RBBP8: variants seen among roughly 807,000 people sequenced by gnomAD.
RBBP8 encodes DNA endonuclease RBBP8.
A neutral mutation model predicts 108.3 loss-of-function variants in RBBP8; 88 were observed. That is an observed-to-expected ratio of 0.81 (90% CI 0.68 to 0.97). RBBP8 has a LOEUF of 0.97. Ranked by LOEUF, RBBP8 falls within the 50% of genes least tolerant of loss-of-function variation. The pLI is 0.00. For synonymous variants in RBBP8, 332 were observed against 348.2 expected, an observed-to-expected ratio of 0.95 and a Z score of 0.52; for missense variants, 1,023 against 1,049.0, an observed-to-expected ratio of 0.98 and a Z score of 0.34.
rs1257535914 is a variant in RBBP8, at chr18:22,984,801, T to A, written c.605-85T>A. On this transcript the variant is annotated intron_variant, in intron 7 of 18. Coordinates refer to ENST00000327155, the MANE Select transcript of RBBP8 (RefSeq NM_002894.3). The stretch of plus-strand genomic sequence containing the variant: ...AAATACAGATAATACATAAAAATTT[T>A]AAATATGAATAAATAAAAATAATTT... The A allele has an allele frequency of 3.6e-5, 28 of 778,616 alleles. No individual in the cohort carries two copies. The Admixed American group carries it at 7.7e-4, about 21-fold the overall frequency. The allele number at this position is 778,616 out of a possible 1,614,324, so 48.2% of individuals were successfully genotyped here.
chr18:22,983,413 A>C (rs1194127153), intron 7 of RBBP8, among the ~76,000 whole-genome samples: 1 of 152,226 alleles, frequency 6.6e-6, no homozygotes, highest in Non-Finnish European at 1.5e-5. Flanking sequence ...TCTAGTGGAA[A>C]ACAAAAGAAC....
chr18:22,978,348 G>A (rs1052881478), intron 6 of RBBP8, among the ~76,000 whole-genome samples: 18 of 152,184 alleles, frequency 1.2e-4, no homozygotes, highest in African/African-American at 3.4e-4. Context: ...ACCAAAAGCT[G>A]TGACGTGAAC....
chr18:22,946,263 C>T, intron 2 of RBBP8, 181 bp from the exon 3 acceptor site: 1 of 696,330 alleles, frequency 1.4e-6, no homozygotes, highest in African/African-American at 1.8e-5. Flanking sequence ...ATATGATAGA[C>T]TAAAAGCAAT....
At chr18:22,922,232 A>C (rs1909621396) in intron 3 of RBBP8, among the ~76,000 whole-genome samples, 1 of 152,204 alleles carries the variant, frequency 6.6e-6, no homozygotes, top group South Asian at 2.1e-4. Context: ...ATAGGTGCAA[A>C]GAAAAAAGAA....
intron 4 of RBBP8, among the ~76,000 whole-genome samples, chr18:22,959,252 T>G (rs2144541230): frequency 6.6e-6 from 1 of 152,340 alleles, no homozygotes; most frequent in East Asian, 1.9e-4. Context: ...GGATATAAAT[T>G]TCTAGGTTTA....
At chr18:22,930,866 G>A (rs532723678), upstream of RBBP8, among the ~76,000 whole-genome samples, 1 of 152,052 alleles carries the variant, frequency 6.6e-6, no homozygotes, top group South Asian at 2.1e-4. Context: ...TGAACTCCTG[G>A]GCTCAAGCAA....
At chr18:22,957,285 C>CTTT (rs1912641266) in intron 4 of RBBP8, among the ~76,000 whole-genome samples, 3 of 43,182 alleles carry the variant, frequency 6.9e-5, no homozygotes, top group Non-Finnish European at 1.4e-4. Context: ...GTTGTAATTA[C>CTTT]TTTTTCTTTT....
At chr18:22,937,008 A>C in intron 2 of RBBP8, 48 bp downstream of exon 2, 2 of 1,609,474 alleles carry the variant, frequency 1.2e-6, no homozygotes, top group Non-Finnish European at 1.7e-6. Context: ...TTGAGACTGT[A>C]GTGGCTTTGT....
At chr18:23,014,746 C>G (rs1262273646) in intron 16 of RBBP8, among the ~76,000 whole-genome samples, 5 of 152,180 alleles carry the variant, frequency 3.3e-5, no homozygotes. Context: ...CTTTGACCCT[C>G]CTAGGTTTCC....
rs778713061 is a variant in RBBP8, at chr18:23,022,164, G to T, written c.2490G>T (p.Lys830Asn). ...ATATGCCAGCAGAAGAAAGAGAAAA[G>T]AAATTGGCTTCCTGCTCAAGACACC... ...YADMPAEERE[K>N]KLASCSRHRF... is the part of the protein sequence containing the mutation. Residue 830 changes from lysine to asparagine, a missense_variant, in exon 18 of 19, where the codon AAG (lysine) becomes AAT (asparagine). Lys to Asn is a moderately conservative substitution (Grantham distance 94). Coordinates refer to ENST00000327155, the MANE Select transcript of RBBP8 (RefSeq NM_002894.3). 17 of 1,608,768 alleles carry T rather than the reference G, an allele frequency of 1.1e-5. No homozygotes were observed. Among genetic ancestry groups the T allele is most frequent in the Non-Finnish European group, 3.4e-6 (4 of 1,175,242 alleles).
intron 4 of RBBP8, among the ~76,000 whole-genome samples, chr18:22,966,545 C>A (rs1255117297): frequency 6.7e-6 from 1 of 148,206 alleles, no homozygotes; most frequent in African/African-American, 2.5e-5. Context: ...TTGAGACCAG[C>A]CTGGGCAACA....
chr18:22,963,468 A>T (rs1363217799), intron 4 of RBBP8, among the ~76,000 whole-genome samples: 1 of 152,144 alleles, frequency 6.6e-6, no homozygotes, highest in South Asian at 2.1e-4. Context: ...CACTAGTTCA[A>T]CCACAACGTT....
chr18:22,959,132 C>T (rs1258846412), intron 4 of RBBP8, among the ~76,000 whole-genome samples: 1 of 152,088 alleles, frequency 6.6e-6, no homozygotes, highest in Non-Finnish European at 1.5e-5. Context: ...TACAGCTTAC[C>T]CTCAAGTAAC....
upstream of RBBP8, among the ~76,000 whole-genome samples, chr18:22,933,115 A>G (rs1476709452): frequency 6.6e-6 from 1 of 152,208 alleles, no homozygotes; most frequent in African/African-American, 2.4e-5. Context: ...CCCCCAACAG[A>G]ACGGCTTGAG....
chr18:23,023,411 C>T (rs964469089), intron 18 of RBBP8, among the ~76,000 whole-genome samples: 1 of 152,120 alleles, frequency 6.6e-6, no homozygotes, highest in African/African-American at 2.4e-5. Context: ...AGATATGACA[C>T]TTACATTTAA....
chr18:22,956,486 C>T (rs949707402), intron 4 of RBBP8, among the ~76,000 whole-genome samples: 54 of 152,268 alleles, frequency 3.5e-4, no homozygotes, highest in African/African-American at 1.3e-3. Flanking sequence ...CAGGCAAGCA[C>T]CACGCCATGC....
chr18:22,972,353 C>CAAA (rs1168455023), intron 5 of RBBP8, among the ~76,000 whole-genome samples: 73 of 55,718 alleles, frequency 1.3e-3, no homozygotes, highest in East Asian at 5.5e-3. Flanking sequence ...GACTCCCTCT[C>CAAA]AAAAAAAAAA....
At chr18:22,964,444 A>T (rs1244972685) in intron 4 of RBBP8, among the ~76,000 whole-genome samples, 2 of 144,698 alleles carry the variant, frequency 1.4e-5, no homozygotes, top group African/African-American at 5.1e-5. Context: ...ACTATTCCCC[A>T]CACTGCCTCA....
intron 12 of RBBP8, among the ~76,000 whole-genome samples, chr18:22,994,813 C>T (rs1431568818): frequency 6.6e-6 from 1 of 151,934 alleles, no homozygotes; most frequent in East Asian, 1.9e-4. Context: ...CAGCCTTGAC[C>T]TCCCAGGCTC....
Sources: allele counts gnomAD v4.1 joint callset (sites outside exome capture counted in the v4.1 genomes callset), GRCh38; gene constraint gnomAD v4.1.1; transcripts MANE v1.5; gene names NCBI Gene and HGNC (gene_info 2026-07-23, HGNC 2026-07-21).